The following EP400 variants were observed in gnomAD, a reference collection of about 807,000 sequenced individuals.
EP400 encodes E1A-binding protein p400.
A neutral mutation model predicts 354.1 loss-of-function variants in EP400; 105 were observed. The ratio of observed to expected loss-of-function variants is 0.30; its 90% CI spans 0.25 to 0.35. The LOEUF is 0.35. Among genes scored for constraint, EP400 ranks in the 10% least tolerant of loss-of-function variants. The probability of loss-of-function intolerance (pLI) is 1.00; values close to 1 mark genes in which losing one functional copy is unlikely to be tolerated. For missense variants in EP400, 3,280 were observed against 4,121.0 expected (o/e 0.80, Z 5.59); for synonymous variants, 1,646 against 1,716.9 (o/e 0.96, Z 1.02).
chr12:132,001,049 T>C (rs1893391393), intron 12 of EP400, among the ~76,000 whole-genome samples: 1 of 152,170 alleles, frequency 6.6e-6, no homozygotes, highest in Non-Finnish European at 1.5e-5. Flanking sequence ...AATTTATTGG[T>C]GTAGGGACCA....
At position 131,991,422 on chromosome 12, in the gene EP400, C is replaced by T. The variant is rs1286877306; in HGVS notation, c.2645C>T (p.Pro882Leu). The stretch of plus-strand genomic sequence containing the variant: ...GTCTCTCTAGGGAAAGAATTGAGAC[C>T]TAAAGGATTTGACGCATTACAGGAA... Reference protein sequence around the residue: ...KVSRRGKELRPKGFDALQESS... With the variant: ...KVSRRGKELRLKGFDALQESS... Residue 882 changes from proline (P) to leucine (L), a missense_variant, in exon 10 of 53, where the codon CCT becomes CTT. Physicochemically the swap from Pro to Leu is moderately conservative, Grantham distance 98. Around this residue, in one of 20 missense-constraint regions of EP400, gnomAD observed 800 missense variants for 840.0 expected, o/e 0.95. Transcript: ENST00000389561. The T allele has an allele frequency of 1.2e-6, 2 of 1,613,858 alleles. No individual in the cohort carries two copies. Among genetic ancestry groups the T allele is most frequent in the Admixed American group, 1.7e-5 (1 of 59,980 alleles).
chr12:132,047,167 A>G (rs1283314934), intron 39 of EP400, among the ~76,000 whole-genome samples: 1 of 152,190 alleles, frequency 6.6e-6, no homozygotes, highest in African/African-American at 2.4e-5. Flanking sequence ...CACTTGTCTC[A>G]AAGCATTTGT....
intron 46 of EP400, 69 bp from the exon 47 acceptor site, chr12:132,062,397 G>C: frequency 4.3e-6 from 7 of 1,610,142 alleles, no homozygotes; most frequent in African/African-American, 1.3e-5. Context: ...GCTGCTTGCT[G>C]TCTGAGAATG....
At chr12:132,031,919 A>G (rs762544880) in intron 29 of EP400, 34 bp from the exon 30 acceptor site, 8 of 1,562,080 alleles carry the variant, frequency 5.1e-6, no homozygotes, top group South Asian at 1.2e-5. Context: ...ACATTTTCCA[A>G]GAATACTAAC....
At chr12:132,030,200 A>C (rs776885521) in intron 29 of EP400, 42 bp downstream of exon 29, 1 of 1,607,626 alleles carries the variant, frequency 6.2e-7, no homozygotes, top group South Asian at 1.1e-5. Flanking sequence ...TGGGTCAGTC[A>C]CTGGTGTTGA....
rs988272866 is a variant in EP400, at chr12:132,062,407, G to A, written c.8099-59G>A. ...CAGCTGCTGCTTGCTGTCTGAGAAT[G>A]AGGATCTGAAGGTGGGCGAGTATCC... is the stretch of plus-strand genomic sequence containing the variant. On this transcript the variant is annotated intron_variant, in intron 46 of 52. Coordinates refer to ENST00000389561, the MANE Select transcript of EP400 (RefSeq NM_015409.5). 4.3e-6 allele frequency: 7 copies of A among 1,610,204 alleles called. No individual in the cohort carries two copies. In the Middle Eastern group the frequency reaches 6.6e-4, roughly 151 times the overall value.
rs149507322 is a variant in EP400 at position 131,958,886 on chromosome 12, C to T, written c.-35-1699C>T. ...TTGTCCATTTTCTCACAGAGATAAG[C>T]AGTGATGTCCTTGCGATGAACAAGG... On this transcript the variant is annotated intron_variant, in intron 1 of 52. Transcript: ENST00000389561. Among the ~76,000 whole-genome samples, 99 of 152,266 alleles carry T rather than the reference C, an allele frequency of 6.5e-4. 1 individual carries two copies. The highest frequency in any genetic ancestry group is 1.5e-5 in the Non-Finnish European group (1 of 68,024).
intron 51 of EP400, among the ~76,000 whole-genome samples, chr12:132,071,077 G>A (rs113211073): frequency 0.014 from 2,197 of 152,280 alleles, 51 homozygotes; most frequent in African/African-American, 0.05. Flanking sequence ...GCACAGTGGT[G>A]AATGTCAGAG....
Position 132,005,178 on chromosome 12 carries a change from G to A in EP400, c.2929G>A (p.Glu977Lys). 1.3e-6 allele frequency: 2 copies of A among 1,572,272 alleles called. No individual in the cohort carries two copies. Among genetic ancestry groups the A allele is most frequent in the Non-Finnish European group, 1.7e-6 (2 of 1,158,242 alleles). Reference sequence around the variant, plus strand: ...GCCTGATGGGGAGGACACAAGCGGAGAGGAAGGTGCGCTCCCAGCCTTTGG... The same window carrying A: ...GCCTGATGGGGAGGACACAAGCGGAAAGGAAGGTGCGCTCCCAGCCTTTGG... ...PKPDGEDTSG[E>K]EDADDCPGDR... is the part of the protein sequence containing the mutation. The change falls in exon 13 of 53, where the codon GAG becomes AAG. Residue 977 changes from glutamate (E) to lysine (K), a missense_variant. By Grantham distance (56) the Glu-to-Lys change is moderately conservative. Transcript: ENST00000389561.
chr12:131,961,148 G>T lies in EP400; in HGVS notation c.529G>T (p.Val177Leu). The change falls in exon 2 of 53, where the codon GTG (valine) becomes TTG (leucine). Residue 177 changes from valine (V) to leucine (L), a missense_variant. This residue lies in a region of EP400 where 172 missense variants were observed against 242.9 expected (regional missense o/e 0.71). Coordinates refer to ENST00000389561, the MANE Select transcript of EP400 (RefSeq NM_015409.5). ...GGGCTTCGTGGATGCCAGCGTGCTGGTGAGGCAGATCAGCTTGAGCCCCTC... is the reference window on the plus strand; with the variant it reads ...GGGCTTCGTGGATGCCAGCGTGCTGTTGAGGCAGATCAGCTTGAGCCCCTC... ...TGGFVDASVL[V>L]RQISLSPSSG... 1 of 1,609,644 alleles carries T rather than the reference G, an allele frequency of 6.2e-7. No individual in the cohort carries two copies. The highest frequency in any genetic ancestry group is 8.5e-7 in the Non-Finnish European group (1 of 1,178,036).
At chr12:131,962,498 C>G (rs972237553) in intron 2 of EP400, among the ~76,000 whole-genome samples, 1 of 152,124 alleles carries the variant, frequency 6.6e-6, no homozygotes, top group African/African-American at 2.4e-5. Context: ...TATATGGGAC[C>G]TTCATCATTA....
rs757762738 is a variant in EP400, at chr12:132,062,215, A to T, written c.7990A>T (p.Thr2664Ser). 1.2e-5 allele frequency: 20 copies of T among 1,613,946 alleles called. No individual in the cohort carries two copies. The highest frequency in any genetic ancestry group is 1.3e-5 in the African/African-American group (1 of 74,886). Residue 2664 changes from threonine to serine, a missense_variant, in exon 46 of 53, where the codon ACT becomes TCT. Coordinates refer to ENST00000389561, the MANE Select transcript of EP400 (RefSeq NM_015409.5). Reference protein sequence around the residue: ...ATPDLVSMATTQGVRAVTSVT... With the variant: ...ATPDLVSMATSQGVRAVTSVT... ...CCCTGACCTGGTGTCCATGGCAACG[A>T]CTCAGGGTGTTCGAGCGGTCACTTC...
chr12:132,066,358 G>A (rs553282139), intron 48 of EP400: 122 of 165,246 alleles, frequency 7.4e-4, no homozygotes, highest in African/African-American at 2.7e-3. Context: ...GAGAAAATGC[G>A]GGACGGGAGG....
intron 2 of EP400, among the ~76,000 whole-genome samples, chr12:131,978,485 G>GC (rs1892558186): frequency 6.6e-6 from 1 of 152,150 alleles, no homozygotes; most frequent in African/African-American, 2.4e-5. Flanking sequence ...GGATCATGTA[G>GC]CATGTCGCCT....
At position 132,044,934 on chromosome 12, in the gene EP400, A is replaced by G; in HGVS notation, c.6765A>G (p.Arg2255=). 1 of 1,614,116 alleles carries G rather than the reference A, an allele frequency of 6.2e-7. No individual in the cohort carries two copies. The highest frequency in any genetic ancestry group is 8.5e-7 in the Non-Finnish European group (1 of 1,180,028). ...TGTACGTGAGGAAGGAGCGGAAGCGACACAAAACAGACCCCTCAGGTGCGC... is the reference window on the plus strand; with the variant it reads ...TGTACGTGAGGAAGGAGCGGAAGCGGCACAAAACAGACCCCTCAGGTGCGC... ...PPVYVRKERK[R]HKTDPSAAGR... The change falls in exon 37 of 53, where the codon CGA becomes CGG. Residue 2255 remains arginine, a synonymous_variant. Transcript: ENST00000389561.
intron 29 of EP400, chr12:132,031,205 C>G (rs1322811591): frequency 1.9e-6 from 1 of 518,600 alleles, no homozygotes; most frequent in Non-Finnish European, 3.9e-6. Flanking sequence ...GACTATCCTT[C>G]ACGGTTTTGT....
Position 132,053,493 on chromosome 12 carries a change from G to A in EP400, c.7624G>A (p.Val2542Ile), listed in dbSNP as rs748798930. The A allele has an allele frequency of 3.3e-6, 5 of 1,536,766 alleles. No homozygotes were observed. The highest frequency in any genetic ancestry group is 2.6e-6 in the Non-Finnish European group (3 of 1,147,802). Residue 2542 changes from valine (V) to isoleucine (I), a missense_variant, in exon 43 of 53, where the codon GTC becomes ATC. Around this residue, in one of 20 missense-constraint regions of EP400, gnomAD observed 255 missense variants for 295.9 expected, o/e 0.86. Transcript: ENST00000389561. ...CCAGCCGCCAGCAGGGCCACCAGCTGTCCAGCCCCAACCCCAGCCACAGCC... is the reference window on the plus strand; with the variant it reads ...CCAGCCGCCAGCAGGGCCACCAGCTATCCAGCCCCAACCCCAGCCACAGCC... ...GSQPPAGPPA[V>I]QPQPQPQPQT... is the part of the protein sequence containing the mutation.
intron 48 of EP400, chr12:132,066,515 A>C: frequency 4.3e-6 from 2 of 462,824 alleles, no homozygotes; most frequent in Non-Finnish European, 7.6e-6. Flanking sequence ...ATGTCCCGTG[A>C]GATCACTGAC....
At chr12:132,010,102 G>C (rs879609219) in intron 15 of EP400, among the ~76,000 whole-genome samples, 6 of 61,468 alleles carry the variant, frequency 9.8e-5, no homozygotes, top group Admixed American at 1.8e-4. Flanking sequence ...TTTTTTTTTT[G>C]AGACGGAGTT....
Sources: allele counts gnomAD v4.1 joint callset (sites outside exome capture counted in the v4.1 genomes callset), GRCh38; gene constraint gnomAD v4.1.1; regional missense constraint gnomAD v4.1.1; transcripts MANE v1.5; gene names NCBI Gene and HGNC (gene_info 2026-07-23, HGNC 2026-07-21).